TRIM44: variants seen among roughly 807,000 people sequenced by gnomAD.
TRIM44 encodes tripartite motif containing 44, also known as tripartite motif-containing protein 44.
Under a neutral mutation model 37.4 loss-of-function variants are expected in TRIM44, and 13 were observed. That is an observed-to-expected ratio of 0.35 (90% CI 0.23 to 0.55). The LOEUF is 0.55. Among genes scored for constraint, TRIM44 ranks in the 20% least tolerant of loss-of-function variants. The probability of loss-of-function intolerance (pLI) is 0.89; values close to 1 mark genes in which losing one functional copy is unlikely to be tolerated. For missense variants in TRIM44, 426 were observed against 437.2 expected, an observed-to-expected ratio of 0.97 and a Z score of 0.23; for synonymous variants, 175 against 157.2, an observed-to-expected ratio of 1.11 and a Z score of -0.85.
intron 4 of TRIM44, among the ~76,000 whole-genome samples, chr11:35,784,631 T>A (rs1669466292): frequency 6.6e-6 from 1 of 152,270 alleles, no homozygotes; most frequent in African/African-American, 2.4e-5. Context: ...TATGTATGTG[T>A]GTATACACAC....
chr11:35,797,495 A>C (rs565805987), intron 4 of TRIM44, among the ~76,000 whole-genome samples: 1 of 152,374 alleles, frequency 6.6e-6, no homozygotes, highest in East Asian at 1.9e-4. Flanking sequence ...GCCATACCAT[A>C]GAAAAACATG....
intron 4 of TRIM44, among the ~76,000 whole-genome samples, chr11:35,784,594 G>C (rs897853702): frequency 2.6e-5 from 4 of 152,140 alleles, no homozygotes; most frequent in Non-Finnish European, 5.9e-5. Context: ...TTTAGAATGG[G>C]TGTGTATTTA....
intron 4 of TRIM44, among the ~76,000 whole-genome samples, chr11:35,800,524 C>T (rs753466154): frequency 9.2e-5 from 14 of 152,086 alleles, no homozygotes; most frequent in Non-Finnish European, 1.6e-4. Flanking sequence ...CTGATTGGTG[C>T]GTTTTTACAG....
chr11:35,777,845 C>T (rs1852993783), intron 4 of TRIM44, among the ~76,000 whole-genome samples: 1 of 152,140 alleles, frequency 6.6e-6, no homozygotes. Context: ...TGATGGGCTT[C>T]CCTTTGTGGG....
rs1367220938 is a variant in TRIM44, at chr11:35,808,354, C to T, written c.*1969C>T. ...CACCAATCATATCCAACAAAAGTAC[C>T]CTAAAAGAAGGACCAGTGGCCACTC... On this transcript the variant is annotated 3_prime_UTR_variant, in exon 5 of 5. Coordinates refer to ENST00000299413, the MANE Select transcript of TRIM44 (RefSeq NM_017583.6). 6.6e-6 allele frequency: 1 copy of T among 151,898 alleles called. No homozygotes were observed. Among genetic ancestry groups the T allele is most frequent in the East Asian group, 1.9e-4 (1 of 5,192 alleles). 9.4% of individuals were successfully genotyped at this position (151,898 alleles called of 1,614,324 possible).
intron 4 of TRIM44, among the ~76,000 whole-genome samples, chr11:35,780,858 C>T (rs1402303254): frequency 1.4e-5 from 2 of 146,498 alleles, no homozygotes; most frequent in African/African-American, 5.0e-5. Context: ...TCATTTTCAA[C>T]TCTATTTATT....
chr11:35,795,480 A>G (rs75360285), intron 4 of TRIM44, among the ~76,000 whole-genome samples: 3,015 of 152,006 alleles, frequency 0.02, 101 homozygotes, highest in African/African-American at 0.069. Context: ...AGGACATGCT[A>G]TTGGACTCAG....
At chr11:35,740,774 C>G (rs116637893) in intron 4 of TRIM44, among the ~76,000 whole-genome samples, 1,874 of 152,264 alleles carry the variant, frequency 0.012, 48 homozygotes, top group African/African-American at 0.044. Context: ...TTCACTCTTT[C>G]CTCCACCTAG....
chr11:35,773,800 C>A (rs1056959111), intron 4 of TRIM44, among the ~76,000 whole-genome samples: 2 of 152,212 alleles, frequency 1.3e-5, no homozygotes, highest in Admixed American at 6.5e-5. Context: ...AGGACAAGAA[C>A]TCATCCTTTT....
At chr11:35,682,145 C>G (rs1851527554) in intron 1 of TRIM44, among the ~76,000 whole-genome samples, 1 of 151,762 alleles carries the variant, frequency 6.6e-6, no homozygotes, top group African/African-American at 2.4e-5. Flanking sequence ...CTGTCCCGTT[C>G]CGTACCACTC....
At position 35,810,613 on chromosome 11, in the gene TRIM44, C is replaced by T. The variant is rs1853517012; in HGVS notation, c.*4228C>T. On this transcript the variant is annotated 3_prime_UTR_variant, in exon 5 of 5. Coordinates refer to ENST00000299413, the MANE Select transcript of TRIM44 (RefSeq NM_017583.6). ...TGAGAACATACCAGAAACAGCAGAA[C>T]GAGGGCCAGAGCAGAAAAATGAAAA... is the stretch of plus-strand genomic sequence containing the variant. The T allele has an allele frequency of 6.6e-6, 1 of 152,060 alleles. No individual in the cohort carries two copies. The highest frequency in any genetic ancestry group is 1.5e-5 in the Non-Finnish European group (1 of 68,024). The allele number at this position is 152,060 out of a possible 1,614,324, so 9.4% of individuals were successfully genotyped here.
chr11:35,732,148 T>C (rs1391972024), intron 3 of TRIM44, among the ~76,000 whole-genome samples: 2 of 152,230 alleles, frequency 1.3e-5, no homozygotes, highest in East Asian at 3.8e-4. Flanking sequence ...ACTTAGTTCT[T>C]ATGTGAGCAA....
At chr11:35,713,502 CTTTT>C (rs34352321) in intron 2 of TRIM44, among the ~76,000 whole-genome samples, 3 of 140,140 alleles carry the variant, frequency 2.1e-5, no homozygotes, top group Admixed American at 7.1e-5. Context: ...ATATGACATG[CTTTT>C]TTTTTTTTTT....
At chr11:35,775,919 G>C (rs1278405827) in intron 4 of TRIM44, among the ~76,000 whole-genome samples, 3 of 152,164 alleles carry the variant, frequency 2.0e-5, no homozygotes, top group Non-Finnish European at 4.4e-5. Context: ...AAGGATATTG[G>C]TCTAAAATTC....
At chr11:35,799,136 G>A (rs1455116276) in intron 4 of TRIM44, among the ~76,000 whole-genome samples, 1 of 152,242 alleles carries the variant, frequency 6.6e-6, no homozygotes, top group Non-Finnish European at 1.5e-5. Flanking sequence ...TGTTACTTCC[G>A]TTCAGTCACC....
intron 2 of TRIM44, among the ~76,000 whole-genome samples, chr11:35,711,659 G>A (rs1013120296): frequency 6.6e-6 from 1 of 152,096 alleles, no homozygotes; most frequent in African/African-American, 2.4e-5. Flanking sequence ...GGGAGACTGA[G>A]GTGGGAGGAT....
intron 2 of TRIM44, among the ~76,000 whole-genome samples, chr11:35,722,217 A>G (rs1436478021): frequency 6.6e-6 from 1 of 152,080 alleles, no homozygotes; most frequent in Non-Finnish European, 1.5e-5. Flanking sequence ...TTTTGGGGAG[A>G]TATTTAGAGT....
chr11:35,748,939 C>T (rs1268294774), intron 4 of TRIM44, among the ~76,000 whole-genome samples: 4 of 152,136 alleles, frequency 2.6e-5, no homozygotes, highest in African/African-American at 9.7e-5. Flanking sequence ...TCTAAATGAT[C>T]TGTTAGAACC....
chr11:35,685,454 G>A, intron 2 of TRIM44, 118 bp downstream of exon 2: 1 of 817,232 alleles, frequency 1.2e-6, no homozygotes, highest in Non-Finnish European at 2.0e-6. Flanking sequence ...ATTTAATTAA[G>A]CCTGCCCATC....
Sources: gnomAD v4.1 joint callset for allele counts (sites outside exome capture counted in the v4.1 genomes callset) on GRCh38, gnomAD v4.1.1 for gene constraint, MANE v1.5 for transcripts, NCBI Gene and HGNC (gene_info 2026-07-23, HGNC 2026-07-21) for gene names.